The following SLC7A2 variants were observed in gnomAD, a reference collection of about 807,000 sequenced individuals.
The protein encoded by SLC7A2 is solute carrier family 7 member 2, also known as cationic amino acid transporter 2.
SLC7A2 carries 48 observed loss-of-function variants against 58.9 expected under a neutral mutation model. The observed-to-expected ratio is 0.82, with a 90% CI of 0.65 to 1.04. The LOEUF (loss-of-function observed/expected upper bound fraction) is 1.04, where lower values mean the gene tolerates loss of function less well. Ranked by LOEUF, SLC7A2 falls within the 50% of genes least tolerant of loss-of-function variation. SLC7A2 has a pLI of 0.00. For missense variants in SLC7A2, 1,029 were observed against 818.8 expected (o/e 1.26, Z -3.13); for synonymous variants, 363 against 314.5 (o/e 1.15, Z -1.63).
intron 2 of SLC7A2, among the ~76,000 whole-genome samples, chr8:17,524,891 T>C (rs1801163173): frequency 6.6e-6 from 1 of 152,128 alleles, no homozygotes; most frequent in African/African-American, 2.4e-5. Flanking sequence ...TGAATTTCCC[T>C]GTGCTCACTT....
At chr8:17,502,802 T>C (rs1007639931) in intron 2 of SLC7A2, among the ~76,000 whole-genome samples, 1 of 152,192 alleles carries the variant, frequency 6.6e-6, no homozygotes, top group South Asian at 2.1e-4. Context: ...CTCCAAATTC[T>C]TTAATCATAA....
intron 2 of SLC7A2, among the ~76,000 whole-genome samples, chr8:17,533,692 T>C (rs1488313913): frequency 6.6e-6 from 1 of 152,236 alleles, no homozygotes; most frequent in Non-Finnish European, 1.5e-5. Context: ...TGCACATACT[T>C]CTGGCATCTT....
intron 2 of SLC7A2, among the ~76,000 whole-genome samples, chr8:17,514,050 G>A (rs969367871): frequency 1.7e-4 from 26 of 152,164 alleles, no homozygotes; most frequent in Non-Finnish European, 4.4e-5. Flanking sequence ...ACCCGTAATA[G>A]TCTTAGTTCT....
At chr8:17,557,251 A>G (rs1179597322) in intron 8 of SLC7A2, among the ~76,000 whole-genome samples, 2 of 152,236 alleles carry the variant, frequency 1.3e-5, no homozygotes, top group African/African-American at 2.4e-5. Context: ...TTATCTACTT[A>G]CTATGACACA....
intron 11 of SLC7A2, among the ~76,000 whole-genome samples, chr8:17,562,790 G>C (rs1386969004): frequency 6.6e-6 from 1 of 152,260 alleles, no homozygotes; most frequent in African/African-American, 2.4e-5. Context: ...AGTAGGGTGA[G>C]TATTTTGTTT....
chr8:17,531,289 C>T (rs1264146484), intron 2 of SLC7A2, among the ~76,000 whole-genome samples: 2 of 151,856 alleles, frequency 1.3e-5, no homozygotes, highest in African/African-American at 2.4e-5. Flanking sequence ...GTACAATGGC[C>T]GTATATTGTA....
chr8:17,515,482 G>A (rs2150676422), intron 2 of SLC7A2, among the ~76,000 whole-genome samples: 1 of 152,134 alleles, frequency 6.6e-6, no homozygotes, highest in South Asian at 2.1e-4. Context: ...TTTTAGTAGA[G>A]ATGGGGTTTC....
intron 2 of SLC7A2, among the ~76,000 whole-genome samples, chr8:17,510,049 G>A (rs1339058457): frequency 6.6e-6 from 1 of 151,990 alleles, no homozygotes; most frequent in African/African-American, 2.4e-5. Context: ...ATGAAACCAC[G>A]TCTCTACTAA....
chr8:17,524,183 G>A (rs1801128103), intron 2 of SLC7A2, among the ~76,000 whole-genome samples: 1 of 152,116 alleles, frequency 6.6e-6, no homozygotes, highest in African/African-American at 2.4e-5. Context: ...AACCACTATG[G>A]AAAACAGTGT....
rs968578124 is a variant in SLC7A2 at position 17,567,169 on chromosome 8, C to T, written c.*2023C>T. The T allele has an allele frequency of 6.6e-5, 10 of 152,550 alleles. No individual in the cohort carries two copies. Among genetic ancestry groups the T allele is most frequent in the Non-Finnish European group, 2.9e-5 (2 of 68,040 alleles). 9.4% of individuals were successfully genotyped at this position (152,550 alleles called of 1,614,324 possible). Reference sequence around the variant, plus strand: ...CTGGAGAGAAGGAGTTGGATAAGCACAGGCTCGGGTATTTTGGTAGGGACT... The same window carrying T: ...CTGGAGAGAAGGAGTTGGATAAGCATAGGCTCGGGTATTTTGGTAGGGACT... On this transcript the variant is annotated 3_prime_UTR_variant, in exon 13 of 13. Transcript: ENST00000494857.
intron 5 of SLC7A2, among the ~76,000 whole-genome samples, chr8:17,549,565 C>G (rs1253258679): frequency 6.6e-6 from 1 of 152,194 alleles, no homozygotes; most frequent in East Asian, 1.9e-4. Context: ...GTCCTGCATC[C>G]TTTAGTTCTT....
chr8:17,525,708 C>G (rs1268006185), intron 2 of SLC7A2, among the ~76,000 whole-genome samples: 1 of 152,202 alleles, frequency 6.6e-6, no homozygotes, highest in Non-Finnish European at 1.5e-5. Context: ...GTACATTAAG[C>G]AACTGGATGG....
At chr8:17,523,753 A>T (rs1801109728) in intron 2 of SLC7A2, among the ~76,000 whole-genome samples, 1 of 152,188 alleles carries the variant, frequency 6.6e-6, no homozygotes, top group South Asian at 2.1e-4. Flanking sequence ...AAAAACAAAG[A>T]TAACTAGATG....
At chr8:17,560,212 A>C in intron 9 of SLC7A2, 116 bp from the exon 10 acceptor site, 2 of 731,094 alleles carry the variant, frequency 2.7e-6, no homozygotes, top group Non-Finnish European at 4.8e-6. Flanking sequence ...ATAAGTGTTG[A>C]TTTACTCTAC....
intron 2 of SLC7A2, among the ~76,000 whole-genome samples, chr8:17,529,535 T>G (rs1306025688): frequency 6.7e-6 from 1 of 149,610 alleles, no homozygotes; most frequent in Non-Finnish European, 1.5e-5. Context: ...TTTTTTTGTT[T>G]TTTTTTTTTT....
intron 9 of SLC7A2, 104 bp from the exon 10 acceptor site, chr8:17,560,224 C>T (rs536931707): frequency 1.3e-6 from 1 of 781,278 alleles, no homozygotes; most frequent in African/African-American, 1.7e-5. Flanking sequence ...TTACTCTACA[C>T]ACTATCACTC....
intron 8 of SLC7A2, among the ~76,000 whole-genome samples, chr8:17,557,673 C>T (rs1447642498): frequency 2.0e-5 from 3 of 150,700 alleles, no homozygotes; most frequent in Non-Finnish European, 4.4e-5. Context: ...ACGAAAAATA[C>T]AAAAATTAGC....
intron 2 of SLC7A2, among the ~76,000 whole-genome samples, chr8:17,507,701 G>A (rs1457885680): frequency 2.0e-5 from 3 of 152,076 alleles, no homozygotes; most frequent in African/African-American, 7.2e-5. Context: ...AAATACAAAT[G>A]AGTAAATTTT....
At chr8:17,546,699 A>C (rs1323675023) in intron 4 of SLC7A2, among the ~76,000 whole-genome samples, 1 of 152,184 alleles carries the variant, frequency 6.6e-6, no homozygotes, top group African/African-American at 2.4e-5. Context: ...GGAATTACAC[A>C]GGTAGAAATA....
Sources: gnomAD v4.1 joint callset for allele counts (sites outside exome capture counted in the v4.1 genomes callset) on GRCh38, gnomAD v4.1.1 for gene constraint, MANE v1.5 for transcripts, NCBI Gene and HGNC (gene_info 2026-07-23, HGNC 2026-07-21) for gene names.